PHF3: variants seen among roughly 807,000 people sequenced by gnomAD.
PHF3 encodes the protein PHD finger protein 3.
A neutral mutation model predicts 178.4 loss-of-function variants in PHF3; 41 were observed. That is an observed-to-expected ratio of 0.23 (90% CI 0.18 to 0.30). PHF3 has a LOEUF of 0.30. PHF3 is among the 10% of genes least tolerant of loss of function. The pLI, the probability that PHF3 is intolerant of heterozygous loss-of-function variation, is 1.00. For missense variants in PHF3, 2,346 were observed against 2,398.1 expected, an observed-to-expected ratio of 0.98 and a Z score of 0.45; for synonymous variants, 842 against 800.5, an observed-to-expected ratio of 1.05 and a Z score of -0.88.
chr6:63,711,436 C>T, intron 15 of PHF3, 74 bp downstream of exon 15: 2 of 1,387,152 alleles, frequency 1.4e-6, no homozygotes, highest in East Asian at 2.3e-5. Flanking sequence ...AAGACTGATT[C>T]TGCCTTCTTT....
intron 9 of PHF3, 119 bp downstream of exon 9, chr6:63,700,585 C>A: frequency 1.8e-6 from 1 of 570,834 alleles, no homozygotes; most frequent in Non-Finnish European, 3.2e-6. Context: ...CTTTCTGTTA[C>A]ATGCTTCTTT....
chr6:63,665,476 G>GT lies in PHF3; in HGVS notation c.245-14515dup, dbSNP rs1469138723. On this transcript the variant is annotated intron_variant, in intron 2 of 15. Transcript: ENST00000262043. Reference sequence around the variant, plus strand: ...ATTAAAATTACTGTTTCGCTTTGTGGTTTTTTTTTGTTTTTTTTTTTTTTT... The same window carrying GT: ...ATTAAAATTACTGTTTCGCTTTGTGGTTTTTTTTTTGTTTTTTTTTTTTTTT... Among the ~76,000 whole-genome samples the GT allele has an allele frequency of 3.1e-3, 339 of 108,334 alleles. 2 individuals carry two copies. The highest frequency in any genetic ancestry group is 0.011 in the African/African-American group (274 of 24,016). 71.1% of individuals were successfully genotyped at this position (108,334 alleles called of 152,430 possible).
intron 2 of PHF3, among the ~76,000 whole-genome samples, chr6:63,648,712 T>G (rs1234498772): frequency 6.6e-6 from 1 of 152,208 alleles, no homozygotes; most frequent in Non-Finnish European, 1.5e-5. Flanking sequence ...ATCTTTTAAA[T>G]GAACTTTTAA....
intron 2 of PHF3, among the ~76,000 whole-genome samples, chr6:63,659,133 A>G (rs1331384761): frequency 6.6e-6 from 1 of 152,214 alleles, no homozygotes; most frequent in Admixed American, 6.5e-5. Context: ...TTGACGTATA[A>G]AGTGAACAAT....
chr6:63,681,328 A>C (rs1766426656), intron 3 of PHF3, among the ~76,000 whole-genome samples: 1 of 152,036 alleles, frequency 6.6e-6, no homozygotes, highest in Non-Finnish European at 1.5e-5. Context: ...CACTCAGTAG[A>C]TCCTGTTAGT....
At chr6:63,650,834 C>T (rs1764989485) in intron 2 of PHF3, among the ~76,000 whole-genome samples, 1 of 152,086 alleles carries the variant, frequency 6.6e-6, no homozygotes, top group East Asian at 1.9e-4. Context: ...TTCAATCAGA[C>T]AGTACATTGA....
At chr6:63,668,347 C>A (rs1183023183) in intron 2 of PHF3, among the ~76,000 whole-genome samples, 1 of 151,736 alleles carries the variant, frequency 6.6e-6, no homozygotes, top group Admixed American at 6.6e-5. Context: ...CTCCCTCCCC[C>A]TTTTTTTTGA....
chr6:63,668,690 A>ATGTCACAG (rs1765781404), intron 2 of PHF3, among the ~76,000 whole-genome samples: 1 of 152,026 alleles, frequency 6.6e-6, no homozygotes, highest in Non-Finnish European at 1.5e-5. Flanking sequence ...AAAAATATAT[A>ATGTCACAG]TGTCACAGTG....
chr6:63,644,961 A>G (rs1315653023), intron 1 of PHF3, among the ~76,000 whole-genome samples: 49 of 151,084 alleles, frequency 3.2e-4, no homozygotes, highest in African/African-American at 1.1e-3. Context: ...TTTCGCTGCA[A>G]CCTCCACTTC....
At chr6:63,649,362 T>A (rs932501451) in intron 2 of PHF3, among the ~76,000 whole-genome samples, 4 of 152,178 alleles carry the variant, frequency 2.6e-5, no homozygotes, top group Admixed American at 2.6e-4. Context: ...CAGATTGTTG[T>A]TTCTGGCACA....
chr6:63,699,011 T>G (rs1006019034), intron 8 of PHF3, among the ~76,000 whole-genome samples: 3 of 152,236 alleles, frequency 2.0e-5, no homozygotes, highest in African/African-American at 4.8e-5. Flanking sequence ...AAATTGTTTT[T>G]ATCGAAATGT....
In PHF3 at chr6:63,720,335, T is replaced by C. The variant is rs1252480590; in HGVS notation, c.*6627T>C. 1 of 407,900 alleles carries C rather than the reference T, an allele frequency of 2.5e-6. No individual in the cohort carries two copies. The highest frequency in any genetic ancestry group is 3.5e-5 in the East Asian group (1 of 28,510). The allele number at this position is 407,900 out of a possible 1,614,324, so 25.3% of individuals were successfully genotyped here. A position where few individuals can be genotyped will look rare whatever the true frequency, so the allele number is the denominator to read the frequency against. On this transcript the variant is annotated 3_prime_UTR_variant, in exon 16 of 16. Coordinates refer to ENST00000262043, the MANE Select transcript of PHF3 (RefSeq NM_001370348.2). The stretch of plus-strand genomic sequence containing the variant: ...ATAGGTAAAAAGTGAATAAGCAAAG[T>C]GAATAAGCACATTCTGTGAATAAGC...
rs183027286 is a variant in PHF3 at position 63,696,248 on chromosome 6, T to A, written c.2680+1484T>A. On this transcript the variant is annotated intron_variant, in intron 6 of 15. Coordinates refer to ENST00000262043, the MANE Select transcript of PHF3 (RefSeq NM_001370348.2). ...CAACCTGTATTTAAAATCATGGGCTTAGATATAAATAGCTACAGGAGAGTT... is the reference window on the plus strand; with the variant it reads ...CAACCTGTATTTAAAATCATGGGCTAAGATATAAATAGCTACAGGAGAGTT... Among the ~76,000 whole-genome samples, 555 of 152,304 alleles carry A rather than the reference T, an allele frequency of 3.6e-3. 1 individual carries two copies. Among genetic ancestry groups the A allele is most frequent in the Non-Finnish European group, 6.0e-3 (405 of 68,020 alleles).
chr6:63,712,969 A>G lies in PHF3; in HGVS notation c.5381A>G (p.Asn1794Ser), dbSNP rs1239288747. ...AGCACCAGCCCCAGAACAAGTACAA[A>G]CTTTTCACCCATGAGGCCACAGCAG... is the stretch of plus-strand genomic sequence containing the variant. ...SRSTSPRTST[N>S]FSPMRPQQPN... The change falls in exon 16 of 16, where the codon AAC (asparagine) becomes AGC (serine). Residue 1794 changes from asparagine (N) to serine (S), a missense_variant. Physicochemically the swap from Asn to Ser is conservative, Grantham distance 46 (BLOSUM62 1). Transcript: ENST00000262043. 6.2e-7 allele frequency: 1 copy of G among 1,613,926 alleles called. No individual in the cohort carries two copies. The highest frequency in any genetic ancestry group is 1.1e-5 in the South Asian group (1 of 91,078).
Position 63,724,374 on chromosome 6 carries a change from T to G in PHF3, c.*10666T>G, listed in dbSNP as rs967182420. ...GCATATCAGGGGAATTGTATATACA[T>G]TTTTTTCTGTAGAAAAGGAAAGCAA... is the stretch of plus-strand genomic sequence containing the variant. On this transcript the variant is annotated 3_prime_UTR_variant, in exon 16 of 16. Coordinates refer to ENST00000262043, the MANE Select transcript of PHF3 (RefSeq NM_001370348.2). 9.2e-5 allele frequency among the ~76,000 whole-genome samples: 14 copies of G among 151,832 alleles called. No individual in the cohort carries two copies. Among genetic ancestry groups the G allele is most frequent in the African/African-American group, 3.4e-4 (14 of 41,148 alleles).
chr6:63,698,872 T>C (rs911018590), intron 8 of PHF3, among the ~76,000 whole-genome samples: 4 of 152,176 alleles, frequency 2.6e-5, no homozygotes, highest in Non-Finnish European at 4.4e-5. Flanking sequence ...TAATACAATT[T>C]ATTAAAAAAT....
rs1255293501 is a variant in PHF3 at position 63,717,282 on chromosome 6, A to G, written c.*3574A>G. ...TTTATGAACCAAACTTAAATGCATT[A>G]TGAGAGCTTGATAATGAACCAGATC... On this transcript the variant is annotated 3_prime_UTR_variant, in exon 16 of 16. Coordinates refer to ENST00000262043, the MANE Select transcript of PHF3 (RefSeq NM_001370348.2). Among the ~76,000 whole-genome samples, 1 of 152,072 alleles carries G rather than the reference A, an allele frequency of 6.6e-6. No homozygotes were observed. The highest frequency in any genetic ancestry group is 6.6e-5 in the Admixed American group (1 of 15,234).
In PHF3 at chr6:63,725,328, CAA is replaced by C. The variant is rs139316683; in HGVS notation, c.*11622_*11623del. 0.011 allele frequency among the ~76,000 whole-genome samples: 1,684 copies of C among 151,940 alleles called. 34 individuals carry two copies. The highest frequency in any genetic ancestry group is 0.038 in the African/African-American group (1,586 of 41,394). ...GAGCTTTATATTTCATATACACAAA[CAA>C]ATATGTATCGTTGTACTGATTATAA... is the stretch of plus-strand genomic sequence containing the variant. On this transcript the variant is annotated 3_prime_UTR_variant, in exon 16 of 16. Coordinates refer to ENST00000262043, the MANE Select transcript of PHF3 (RefSeq NM_001370348.2).
At chr6:63,639,627 A>T (rs886420551) in intron 1 of PHF3, among the ~76,000 whole-genome samples, 2 of 152,208 alleles carry the variant, frequency 1.3e-5, no homozygotes, top group East Asian at 3.9e-4. Context: ...AATGGGTTCA[A>T]ATGTAGGAAT....
Sources: gnomAD v4.1 joint callset for allele counts (sites outside exome capture counted in the v4.1 genomes callset) on GRCh38, gnomAD v4.1.1 for gene constraint, MANE v1.5 for transcripts, NCBI Gene and HGNC (gene_info 2026-07-23, HGNC 2026-07-21) for gene names.